DPYD: variants seen among roughly 807,000 people sequenced by gnomAD.
DPYD encodes dihydropyrimidine dehydrogenase [NADP(+)].
DPYD carries 109 observed loss-of-function variants against 116.2 expected under a neutral mutation model. The ratio of observed to expected loss-of-function variants is 0.94; its 90% CI spans 0.80 to 1.10. The LOEUF is 1.10. DPYD is among the 50% of genes least tolerant of loss of function. DPYD has a pLI of 0.00. For synonymous variants in DPYD, 440 were observed against 432.0 expected, an observed-to-expected ratio of 1.02 and a Z score of -0.23; for missense variants, 1,302 against 1,254.5, an observed-to-expected ratio of 1.04 and a Z score of -0.57.
chr1:97,864,538 T>TC (rs1410779458), intron 2 of DPYD, among the ~76,000 whole-genome samples: 2 of 151,172 alleles, frequency 1.3e-5, no homozygotes, highest in Non-Finnish European at 3.0e-5. Flanking sequence ...TCTCCCCTCC[T>TC]CCCCCCACAC....
At chr1:97,304,754 T>C (rs1667059655) in intron 18 of DPYD, among the ~76,000 whole-genome samples, 1 of 151,970 alleles carries the variant, frequency 6.6e-6, no homozygotes, top group South Asian at 2.1e-4. Context: ...AAGCGTATGC[T>C]GATGAGAAAG....
intron 18 of DPYD, among the ~76,000 whole-genome samples, chr1:97,302,156 A>C (rs1282476429): frequency 6.6e-6 from 1 of 151,962 alleles, no homozygotes; most frequent in African/African-American, 2.4e-5. Flanking sequence ...TGGATTCTAG[A>C]AAAAGGAAAG....
chr1:97,573,214 T>G (rs1653023546), intron 11 of DPYD, among the ~76,000 whole-genome samples: 1 of 152,104 alleles, frequency 6.6e-6, no homozygotes, highest in South Asian at 2.1e-4. Flanking sequence ...CATTTCTTTC[T>G]CTCATTATCT....
intron 19 of DPYD, 135 bp from the exon 20 acceptor site, chr1:97,193,383 C>G (rs1658524906): frequency 1.1e-6 from 1 of 884,078 alleles, no homozygotes; most frequent in Non-Finnish European, 1.8e-6. Context: ...CAGTAGCCGT[C>G]TGGAGATGGG....
chr1:97,556,029 T>A (rs1651676932), intron 11 of DPYD, among the ~76,000 whole-genome samples: 1 of 152,198 alleles, frequency 6.6e-6, no homozygotes, highest in African/African-American at 2.4e-5. Context: ...GTCCAGTGAT[T>A]CTTCTCAGTG....
At chr1:97,082,128 G>A (rs1649199680) in intron 22 of DPYD, among the ~76,000 whole-genome samples, 1 of 152,014 alleles carries the variant, frequency 6.6e-6, no homozygotes, top group African/African-American at 2.4e-5. Context: ...TTAAATGCTG[G>A]CATAGTTAGT....
At chr1:97,398,136 A>C (rs1673121133) in intron 14 of DPYD, among the ~76,000 whole-genome samples, 1 of 151,778 alleles carries the variant, frequency 6.6e-6, no homozygotes, top group African/African-American at 2.4e-5. Context: ...GTGATGTTCC[A>C]CACCCTGTGT....
At chr1:97,229,639 TG>T (rs574797018) in intron 19 of DPYD, among the ~76,000 whole-genome samples, 142 of 147,414 alleles carry the variant, frequency 9.6e-4, no homozygotes, top group African/African-American at 3.4e-3. Context: ...AAACATGTTC[TG>T]GCTGAGTTAA....
intron 2 of DPYD, among the ~76,000 whole-genome samples, chr1:97,859,545 T>A (rs1413316757): frequency 6.6e-6 from 1 of 152,124 alleles, no homozygotes; most frequent in African/African-American, 2.4e-5. Flanking sequence ...GCAGTTCTCC[T>A]GTACAGCCCA....
intron 10 of DPYD, among the ~76,000 whole-genome samples, chr1:97,582,724 T>G (rs1024090079): frequency 2.0e-5 from 3 of 152,186 alleles, no homozygotes; most frequent in African/African-American, 7.2e-5. Context: ...TAGAATGTTT[T>G]CATTTTAAGT....
chr1:97,253,971 GCAATAA>G (rs1287209435), intron 18 of DPYD, among the ~76,000 whole-genome samples: 1 of 152,004 alleles, frequency 6.6e-6, no homozygotes, highest in African/African-American at 2.4e-5. Context: ...AGGAATAATA[GCAATAA>G]CAATAACTAT....
At chr1:97,706,746 G>A (rs1661978958) in intron 5 of DPYD, among the ~76,000 whole-genome samples, 1 of 151,958 alleles carries the variant, frequency 6.6e-6, no homozygotes, top group African/African-American at 2.4e-5. Flanking sequence ...ATGTACCATA[G>A]TTTATTTATG....
chr1:97,418,494 T>C (rs982751665), intron 14 of DPYD, among the ~76,000 whole-genome samples: 3 of 152,000 alleles, frequency 2.0e-5, no homozygotes, highest in African/African-American at 7.2e-5. Context: ...GAGACGGGGT[T>C]TCACCATGTT....
At chr1:97,794,876 T>G (rs1224647970) in intron 3 of DPYD, among the ~76,000 whole-genome samples, 2 of 152,184 alleles carry the variant, frequency 1.3e-5, no homozygotes, top group Non-Finnish European at 2.9e-5. Flanking sequence ...TTTTATGCTA[T>G]CTTAAATGGT....
intron 14 of DPYD, among the ~76,000 whole-genome samples, chr1:97,398,792 TGTTTGTA>T (rs1673171131): frequency 6.6e-6 from 1 of 152,136 alleles, no homozygotes; most frequent in African/African-American, 2.4e-5. Flanking sequence ...TTGATGGGGT[TGTTTGTA>T]TTTTTCTTGT....
chr1:97,265,788 T>C (rs1190971919), intron 18 of DPYD, among the ~76,000 whole-genome samples: 1 of 152,208 alleles, frequency 6.6e-6, no homozygotes, highest in Non-Finnish European at 1.5e-5. Flanking sequence ...CTGACTAACA[T>C]GCTCAATTTC....
intron 2 of DPYD, chr1:97,855,794 C>G (rs1670810168): frequency 6.6e-6 from 1 of 152,176 alleles, no homozygotes; most frequent in Non-Finnish European, 1.5e-5. Flanking sequence ...CACAGAGCTG[C>G]TTTCACAAGA....
chr1:97,281,862 CATT>C (rs925342352), intron 18 of DPYD, among the ~76,000 whole-genome samples: 1 of 152,078 alleles, frequency 6.6e-6, no homozygotes, highest in Admixed American at 6.5e-5. Context: ...TCTACCTCAT[CATT>C]ATCTTTGAAT....
chr1:97,529,157 C>T (rs940990012), intron 12 of DPYD, among the ~76,000 whole-genome samples: 4 of 152,152 alleles, frequency 2.6e-5, no homozygotes, highest in African/African-American at 9.7e-5. Flanking sequence ...CCCACTGCCA[C>T]GTACCAGCTC....
Sources: gnomAD v4.1 joint callset for allele counts (sites outside exome capture counted in the v4.1 genomes callset) on GRCh38, gnomAD v4.1.1 for gene constraint, MANE v1.5 for transcripts, NCBI Gene and HGNC (gene_info 2026-07-23, HGNC 2026-07-21) for gene names.